MYOM3: variants seen among roughly 807,000 people sequenced by gnomAD.
MYOM3 encodes the protein myomesin 3.
In MYOM3, 155 loss-of-function variants were observed where a neutral mutation model predicts 191.7. The observed-to-expected ratio is 0.81, with a 90% CI of 0.71 to 0.92. The LOEUF is 0.92. MYOM3 is among the 40% of genes least tolerant of loss of function. The pLI is 0.00. For missense variants in MYOM3, 1,889 were observed against 1,890.6 expected (o/e 1.00, Z 0.02); for synonymous variants, 757 against 762.9 (o/e 0.99, Z 0.13).
intron 5 of MYOM3, among the ~76,000 whole-genome samples, chr1:24,104,697 A>G (rs1643967887): frequency 6.6e-6 from 1 of 152,222 alleles, no homozygotes; most frequent in South Asian, 2.1e-4. Flanking sequence ...CTACAGGTGC[A>G]GGCCACATGC....
chr1:24,086,919 T>C, intron 14 of MYOM3, 92 bp from the exon 15 acceptor site: 2 of 1,357,052 alleles, frequency 1.5e-6, no homozygotes, highest in Non-Finnish European at 2.1e-6. Flanking sequence ...CCAGCCCGTG[T>C]GCTCTCATGA....
rs750176576 is a variant in MYOM3 at position 24,108,588 on chromosome 1, G to C, written c.49C>G (p.Gln17Glu). 3 of 1,563,572 alleles carry C rather than the reference G, an allele frequency of 1.9e-6. No homozygotes were observed. Among genetic ancestry groups the C allele is most frequent in the South Asian group, 1.2e-5 (1 of 84,672 alleles). ...LGGAGDPRPP[Q>E]AMEVHRLEHR... ...TCCAGCCTGTGAACCTCCATGGCCTGGGGGGGCCGGGGGTCCCCCGCACCT... is the reference window on the plus strand; with the variant it reads ...TCCAGCCTGTGAACCTCCATGGCCTCGGGGGGCCGGGGGTCCCCCGCACCT... The change falls in exon 2 of 37, where the codon CAG becomes GAG. Residue 17 changes from glutamine to glutamate, a missense_variant. Physicochemically the swap from Gln to Glu is conservative, Grantham distance 29. Transcript: ENST00000374434.
In MYOM3 at chr1:24,081,760, G is replaced by C. The variant is rs544138735; in HGVS notation, c.2280+241C>G. On this transcript the variant is annotated intron_variant, in intron 18 of 36. Transcript: ENST00000374434. Reference sequence around the variant, plus strand: ...GTATTTTTTGTCAAGACAGGGTTTTGAACATGTTGCAGACTGGTCTCAAAC... The same window carrying C: ...GTATTTTTTGTCAAGACAGGGTTTTCAACATGTTGCAGACTGGTCTCAAAC... The C allele has an allele frequency of 1.5e-4, 89 of 592,126 alleles. No homozygotes were observed. The African/African-American group carries it at 1.6e-3, about 10-fold the overall frequency. The allele number at this position is 592,126 out of a possible 1,614,324, so 36.7% of individuals were successfully genotyped here. A position where few individuals can be genotyped will look rare whatever the true frequency, so the allele number is the denominator to read the frequency against.
chr1:24,067,123 G>A (rs929456758), intron 27 of MYOM3, 35 bp from the exon 28 acceptor site: 1 of 1,556,314 alleles, frequency 6.4e-7, no homozygotes, highest in African/African-American at 1.4e-5. Context: ...CACTGTCAGA[G>A]AGCCAGGCTC....
In MYOM3 at chr1:24,064,349, G is replaced by C. The variant is rs1264730938; in HGVS notation, c.3535-190C>G. On this transcript the variant is annotated intron_variant, in intron 29 of 36. Transcript: ENST00000374434. Reference sequence around the variant, plus strand: ...AGCTCTAAGGCTCCTTTCAGCTCCAGAGCCCTTGGATTCCTAGCTCGGGGC... The same window carrying C: ...AGCTCTAAGGCTCCTTTCAGCTCCACAGCCCTTGGATTCCTAGCTCGGGGC... 6 of 552,050 alleles carry C rather than the reference G, an allele frequency of 1.1e-5. No individual in the cohort carries two copies. The African/African-American group carries it at 1.2e-4, about 11-fold the overall frequency. The allele number at this position is 552,050 out of a possible 1,614,324, so 34.2% of individuals were successfully genotyped here.
intron 9 of MYOM3, among the ~76,000 whole-genome samples, chr1:24,094,573 G>A (rs1481986168): frequency 6.6e-6 from 1 of 152,104 alleles, no homozygotes; most frequent in African/African-American, 2.4e-5. Context: ...CCTCCTCCCA[G>A]GTGGACACAG....
At chr1:24,086,068 G>T (rs1165932921) in intron 15 of MYOM3, among the ~76,000 whole-genome samples, 2 of 152,212 alleles carry the variant, frequency 1.3e-5, no homozygotes, top group Non-Finnish European at 2.9e-5. Context: ...GCCCTGGGAA[G>T]CTGGGGTCAG....
At chr1:24,069,940 C>T (rs1429389407) in intron 25 of MYOM3, among the ~76,000 whole-genome samples, 1 of 151,300 alleles carries the variant, frequency 6.6e-6, no homozygotes, top group East Asian at 1.9e-4. Flanking sequence ...GCTGCTTTGC[C>T]ATCTGGAGAT....
intron 17 of MYOM3, 149 bp from the exon 18 acceptor site, chr1:24,082,337 G>A (rs1392849241): frequency 1.1e-6 from 1 of 873,682 alleles, no homozygotes; most frequent in African/African-American, 1.7e-5. Flanking sequence ...TGTGCCTCAG[G>A]AGGGCATCGG....
intron 15 of MYOM3, 92 bp downstream of exon 15, chr1:24,086,552 C>T: frequency 1.5e-6 from 2 of 1,311,060 alleles, no homozygotes; most frequent in Non-Finnish European, 2.1e-6. Flanking sequence ...GGAGCGGGGA[C>T]AGGGAAGTGG....
chr1:24,089,463 G>T (rs1445026010), intron 14 of MYOM3, 75 bp downstream of exon 14: 5 of 1,491,750 alleles, frequency 3.4e-6, no homozygotes, highest in Non-Finnish European at 4.5e-6. Flanking sequence ...GGCCTCCCCA[G>T]GGGACACTGC....
At chr1:24,076,057 G>C in intron 21 of MYOM3, 102 bp downstream of exon 21, 1 of 854,328 alleles carries the variant, frequency 1.2e-6, no homozygotes, top group Non-Finnish European at 1.9e-6. Context: ...GAAGTGTGAG[G>C]GCCTAGCACA....
At position 24,097,941 on chromosome 1, in the gene MYOM3, C is replaced by T. The variant is rs371522520; in HGVS notation, c.727G>A (p.Ala243Thr). 18 of 1,613,216 alleles carry T rather than the reference C, an allele frequency of 1.1e-5. No homozygotes were observed. The highest frequency in any genetic ancestry group is 9.9e-5 in the South Asian group (9 of 91,082). The change falls in exon 7 of 37, where the codon GCC becomes ACC. Residue 243 changes from alanine to threonine, a missense_variant. Ala to Thr is a moderately conservative substitution (Grantham distance 58). Transcript: ENST00000374434. ...GACTTACTGCGGACGAGGACTTTGG[C>T]GAAGGAGGAGGCCTGGCCGTGGGCG... ...KNAHGQASSF[A>T]KVLVRTYLGK... is the part of the protein sequence containing the mutation.
At chr1:24,084,128 G>A (rs191398237) in intron 16 of MYOM3, 269 of 269,500 alleles carry the variant, frequency 1.0e-3, no homozygotes, top group Admixed American at 3.3e-3. Flanking sequence ...TTGGGGGAGG[G>A]ACCTCGTGGG....
At chr1:24,108,172 G>A in intron 2 of MYOM3, 99 bp from the exon 3 acceptor site, 1 of 1,152,398 alleles carries the variant, frequency 8.7e-7, no homozygotes, top group Non-Finnish European at 1.2e-6. Context: ...CAGGGCACCA[G>A]CAGGCAGGGC....
In MYOM3 at chr1:24,087,989, T is replaced by C. The variant is rs1376949488; in HGVS notation, c.1615-1162A>G. Among the ~76,000 whole-genome samples, 1 of 152,160 alleles carries C rather than the reference T, an allele frequency of 6.6e-6. No homozygotes were observed. Among genetic ancestry groups the C allele is most frequent in the Non-Finnish European group, 1.5e-5 (1 of 68,038 alleles). ...AGAGTTTCGGTAACTTGGCCAAAAG[T>C]CCTGCATCTAATAACTGGTGGATAT... On this transcript the variant is annotated intron_variant, in intron 14 of 36. Transcript: ENST00000374434. The surrounding 1 kb of genome is among the most constrained non-coding windows in gnomAD (Gnocchi z 4.5).
chr1:24,083,937 C>G (rs1228916094), intron 16 of MYOM3: 1 of 157,646 alleles, frequency 6.3e-6, no homozygotes, highest in African/African-American at 2.4e-5. Flanking sequence ...GCAGGTAGAA[C>G]TAGATGACCT....
intron 35 of MYOM3, 103 bp from the exon 36 acceptor site, chr1:24,059,082 T>C (rs1355207556): frequency 2.6e-6 from 2 of 760,962 alleles, no homozygotes; most frequent in African/African-American, 1.8e-5. Context: ...GCTTCTTTTT[T>C]TTCCTTTTTC....
intron 29 of MYOM3, among the ~76,000 whole-genome samples, chr1:24,064,985 G>C (rs1643416411): frequency 6.6e-6 from 1 of 152,170 alleles, no homozygotes; most frequent in Admixed American, 6.5e-5. Flanking sequence ...CTGAGCCTCA[G>C]TTTACTCATC....
Sources: gnomAD v4.1 joint callset for allele counts (sites outside exome capture counted in the v4.1 genomes callset) on GRCh38, gnomAD v4.1.1 for gene constraint, Gnocchi (gnomAD v3.1) non-coding constraint, MANE v1.5 for transcripts, NCBI Gene and HGNC (gene_info 2026-07-23, HGNC 2026-07-21) for gene names.